C19orf18: variants seen among roughly 807,000 people sequenced by gnomAD.
The protein encoded by C19orf18 is uncharacterized protein C19orf18.
In C19orf18, 21 loss-of-function variants were observed where a neutral mutation model predicts 23.3. The observed-to-expected ratio is 0.90, with a 90% confidence interval of 0.64 to 1.30. The LOEUF is 1.30. Among genes scored for constraint, C19orf18 ranks in the 50% most tolerant of loss-of-function variants. The probability of loss-of-function intolerance (pLI) is 0.00; values close to 1 mark genes in which losing one functional copy is unlikely to be tolerated. For missense variants in C19orf18, 249 were observed against 259.6 expected, an observed-to-expected ratio of 0.96 and a Z score of 0.28; for synonymous variants, 96 against 95.2, an observed-to-expected ratio of 1.01 and a Z score of -0.05.
At chr19:57,959,725 G>A (rs2072852050) in intron 5 of C19orf18, among the ~76,000 whole-genome samples, 1 of 151,426 alleles carries the variant, frequency 6.6e-6, no homozygotes, top group Non-Finnish European at 1.5e-5. Flanking sequence ...AGCCCAGGAG[G>A]TTGGGGCTTC....
intron 2 of C19orf18, among the ~76,000 whole-genome samples, chr19:57,972,725 G>A (rs1053366754): frequency 3.3e-5 from 5 of 152,148 alleles, no homozygotes; most frequent in Admixed American, 1.3e-4. Context: ...TTTGCACCTG[G>A]TGCTTCCTGT....
chr19:57,970,697 G>A (rs1478947440), intron 3 of C19orf18, among the ~76,000 whole-genome samples: 9 of 124,340 alleles, frequency 7.2e-5, no homozygotes, highest in Non-Finnish European at 1.0e-4. Flanking sequence ...TCAGCCTCCC[G>A]AGTAGCTGGC....
intron 4 of C19orf18, among the ~76,000 whole-genome samples, chr19:57,966,092 C>A (rs2072905721): frequency 6.6e-6 from 1 of 151,894 alleles, no homozygotes; most frequent in Non-Finnish European, 1.5e-5. Context: ...ATTCTCCTGC[C>A]TCAGCCTCCC....
chr19:57,960,493 A>G (rs139550784), intron 5 of C19orf18, among the ~76,000 whole-genome samples: 1 of 151,722 alleles, frequency 6.6e-6, no homozygotes, highest in Non-Finnish European at 1.5e-5. Context: ...TCCTCTTCTC[A>G]CAAGGACAGC....
chr19:57,964,811 C>A (rs1032567041), intron 4 of C19orf18, among the ~76,000 whole-genome samples: 1 of 152,196 alleles, frequency 6.6e-6, no homozygotes, highest in Non-Finnish European at 1.5e-5. Flanking sequence ...ACTTCTCAAG[C>A]TGTTTCTGGT....
Position 57,972,479 on chromosome 19 carries a change from T to C in C19orf18, c.252A>G (p.Lys84=). The change falls in exon 3 of 6, where the codon AAA becomes AAG. Residue 84 remains lysine (K), a synonymous_variant. Transcript: ENST00000314391. ...TTGGCTTACCTTTATTCCTCAGGAA[T>C]TTCATGGGGTTCGTAGGGGATGCAG... ...STAASPTNPM[K]FLRNKAIIRH... 1.9e-6 allele frequency: 3 copies of C among 1,613,948 alleles called. No individual in the cohort carries two copies. Among genetic ancestry groups the C allele is most frequent in the Non-Finnish European group, 2.5e-6 (3 of 1,179,842 alleles).
At chr19:57,974,047 G>A in intron 2 of C19orf18, 52 bp downstream of exon 2, 2 of 1,550,746 alleles carry the variant, frequency 1.3e-6, no homozygotes, top group Non-Finnish European at 8.9e-7. Context: ...GCAGATAAGA[G>A]GACTCCAGGC....
At chr19:57,965,771 AAAAAT>A (rs1180584607) in intron 4 of C19orf18, among the ~76,000 whole-genome samples, 4 of 152,066 alleles carry the variant, frequency 2.6e-5, no homozygotes, top group African/African-American at 4.8e-5. Context: ...AAAAAGTAGA[AAAAAT>A]AAAATAAAAT....
chr19:57,974,014 A>T (rs772874673), intron 2 of C19orf18, 85 bp downstream of exon 2: 106 of 1,320,140 alleles, frequency 8.0e-5, no homozygotes, highest in Non-Finnish European at 1.1e-4. Context: ...TCTACCAGCA[A>T]GCACACAGTA....
intron 4 of C19orf18, among the ~76,000 whole-genome samples, chr19:57,965,065 C>A (rs2072899462): frequency 6.6e-6 from 1 of 152,156 alleles, no homozygotes; most frequent in Non-Finnish European, 1.5e-5. Context: ...AGTGGTCGCT[C>A]TTTTCTGCTG....
At chr19:57,960,828 G>A (rs1009983589) in intron 5 of C19orf18, among the ~76,000 whole-genome samples, 1 of 152,168 alleles carries the variant, frequency 6.6e-6, no homozygotes, top group Non-Finnish European at 1.5e-5. Flanking sequence ...GTGTGGCTGT[G>A]AATATTTGTC....
Position 57,966,616 on chromosome 19 carries a change from T to C in C19orf18, c.285A>G (p.Arg95=), listed in dbSNP as rs2072910177. 1 of 1,611,398 alleles carries C rather than the reference T, an allele frequency of 6.2e-7. No homozygotes were observed. Among genetic ancestry groups the C allele is most frequent in the African/African-American group, 1.3e-5 (1 of 74,852 alleles). ...FLRNKAIIRH[R]PALVKVILIS... ...TTAAAATTACTTTAACAAGAGCAGG[T>C]CTATGCCGAATTATTGCTAAAAAGA... The change falls in exon 4 of 6, where the codon AGA becomes AGG. Residue 95 remains arginine (R), a synonymous_variant. Coordinates refer to ENST00000314391, the MANE Select transcript of C19orf18 (RefSeq NM_152474.5).
In C19orf18 at chr19:57,958,592, T is replaced by C. The variant is rs766758748; in HGVS notation, c.*10A>G. ...TCCTCTGCCTCAGCCGGCACCTCTG[T>C]CGTCTGCGTTCACAAGTCTTCCATT... On this transcript the variant is annotated 3_prime_UTR_variant, in exon 6 of 6. Coordinates refer to ENST00000314391, the MANE Select transcript of C19orf18 (RefSeq NM_152474.5). 1 of 1,560,484 alleles carries C rather than the reference T, an allele frequency of 6.4e-7. No homozygotes were observed. The highest frequency in any genetic ancestry group is 8.8e-7 in the Non-Finnish European group (1 of 1,140,244).
intron 3 of C19orf18, among the ~76,000 whole-genome samples, chr19:57,970,600 G>A (rs1019346910): frequency 7.1e-6 from 1 of 141,184 alleles, no homozygotes; most frequent in African/African-American, 2.6e-5. Context: ...TTTTTTTTTT[G>A]TTACAGAGTC....
intron 1 of C19orf18, 33 bp from the exon 2 acceptor site, chr19:57,974,236 A>G: frequency 6.2e-7 from 1 of 1,613,532 alleles, no homozygotes; most frequent in Non-Finnish European, 8.5e-7. Context: ...GTGAAATGTA[A>G]TTACCTTCTT....
chr19:57,968,002 A>G (rs2072919976), intron 3 of C19orf18, among the ~76,000 whole-genome samples: 1 of 145,256 alleles, frequency 6.9e-6, no homozygotes, highest in Non-Finnish European at 1.5e-5. Flanking sequence ...ACAGAGCGAG[A>G]CCCTGTCTCA....
At position 57,971,084 on chromosome 19, in the gene C19orf18, T is replaced by TA. The variant is rs565365240; in HGVS notation, c.268+1378dup. On this transcript the variant is annotated intron_variant, in intron 3 of 5. Transcript: ENST00000314391. ...TGTCAATGGGCAGGTGAAACAGTCATAGCTGAGCTTTAGGAAGATTGATAA... is the reference window on the plus strand; with the variant it reads ...TGTCAATGGGCAGGTGAAACAGTCATAAGCTGAGCTTTAGGAAGATTGATAA... Among the ~76,000 whole-genome samples the TA allele has an allele frequency of 2.2e-3, 338 of 152,260 alleles. 1 individual carries two copies. Among genetic ancestry groups the TA allele is most frequent in the African/African-American group, 7.8e-3 (324 of 41,544 alleles).
rs1167332802 is a variant in C19orf18 at position 57,969,086 on chromosome 19, C to T, written c.269-2454G>A. On this transcript the variant is annotated intron_variant, in intron 3 of 5. Coordinates refer to ENST00000314391, the MANE Select transcript of C19orf18 (RefSeq NM_152474.5). ...TAGAGGCGGGGACCTTGCTCACCCT[C>T]ACTCCCTGTGCTTCCTGAGGTTACT... Among the ~76,000 whole-genome samples the T allele has an allele frequency of 2.0e-5, 3 of 152,176 alleles. No individual in the cohort carries two copies. In the East Asian group the frequency reaches 5.8e-4, roughly 29 times the overall value.
chr19:57,970,723 C>A (rs2123233622), intron 3 of C19orf18, among the ~76,000 whole-genome samples: 1 of 152,156 alleles, frequency 6.6e-6, no homozygotes, highest in East Asian at 1.9e-4. Flanking sequence ...CCATGCCCAG[C>A]TAATTTTTGT....
Sources: gnomAD v4.1 joint callset for allele counts (sites outside exome capture counted in the v4.1 genomes callset) on GRCh38, gnomAD v4.1.1 for gene constraint, MANE v1.5 for transcripts, NCBI Gene and HGNC (gene_info 2026-07-23, HGNC 2026-07-21) for gene names.